SLC39A14: variants seen among roughly 807,000 people sequenced by gnomAD.
SLC39A14 encodes solute carrier family 39 member 14, also known as metal cation symporter ZIP14.
Under a neutral mutation model 45.5 loss-of-function variants are expected in SLC39A14, and 19 were observed. The observed-to-expected ratio is 0.42, with a 90% CI of 0.29 to 0.61. SLC39A14 has a LOEUF of 0.61. SLC39A14 is among the 20% of genes least tolerant of loss of function. The pLI, the probability that SLC39A14 is intolerant of heterozygous loss-of-function variation, is 0.22. For synonymous variants in SLC39A14, 264 were observed against 251.3 expected (o/e 1.05, Z -0.48); for missense variants, 447 against 616.5 (o/e 0.73, Z 2.91).
In SLC39A14 at chr8:22,419,647, C is replaced by G; in HGVS notation, c.1428C>G (p.Phe476Leu). The change falls in exon 9 of 9, where the codon TTC (phenylalanine) becomes TTG (leucine). Residue 476 changes from phenylalanine (F) to leucine (L), a missense_variant. Coordinates refer to ENST00000381237, the MANE Select transcript of SLC39A14 (RefSeq NM_001128431.4). ...AGAACCTGGGCCTCCTGACTGGATT[C>G]ACCATCATGGTGGTCCTCACCATGT... is the stretch of plus-strand genomic sequence containing the variant. ...IIQNLGLLTG[F>L]TIMVVLTMYS... The G allele has an allele frequency of 1.2e-6, 2 of 1,614,080 alleles. No individual in the cohort carries two copies. Among genetic ancestry groups the G allele is most frequent in the Non-Finnish European group, 1.7e-6 (2 of 1,179,936 alleles).
chr8:22,421,369 C>A lies in SLC39A14; in HGVS notation c.*1671C>A. 1.0e-6 allele frequency: 1 copy of A among 985,860 alleles called. No individual in the cohort carries two copies. The highest frequency in any genetic ancestry group is 1.2e-6 in the Non-Finnish European group (1 of 829,936). The allele number at this position is 985,860 out of a possible 1,614,324, so 61.1% of individuals were successfully genotyped here. The stretch of plus-strand genomic sequence containing the variant: ...AAAAGAACGTGAGCAGGAAAAACTG[C>A]TGGTGATACTTTTTTTAAGTTTTGT... On this transcript the variant is annotated 3_prime_UTR_variant, in exon 9 of 9. Coordinates refer to ENST00000381237, the MANE Select transcript of SLC39A14 (RefSeq NM_001128431.4).
At chr8:22,433,964 G>C in exon 9 of SLC39A14, 1 of 438,076 alleles carries the variant, frequency 2.3e-6, no homozygotes, top group Non-Finnish European at 4.6e-6. Flanking sequence ...CTGCCGCTTG[G>C]GTTGAAGCGA....
intron 1 of SLC39A14, among the ~76,000 whole-genome samples, chr8:22,368,042 C>G (rs1044087428): frequency 6.6e-6 from 1 of 152,176 alleles, no homozygotes; most frequent in Non-Finnish European, 1.5e-5. Context: ...TCCTGAGGTC[C>G]AGTTGAGCCG....
chr8:22,379,738 G>T (rs185014906), intron 1 of SLC39A14, among the ~76,000 whole-genome samples: 2 of 152,100 alleles, frequency 1.3e-5, no homozygotes, highest in East Asian at 3.9e-4. Context: ...AGACCATCCC[G>T]GCCAACATGG....
At chr8:22,409,672 G>C (rs1213980259) in intron 3 of SLC39A14, among the ~76,000 whole-genome samples, 1 of 152,122 alleles carries the variant, frequency 6.6e-6, no homozygotes, top group East Asian at 1.9e-4. Flanking sequence ...TTGCGCCACC[G>C]CACCTGGCCT....
intron 1 of SLC39A14, among the ~76,000 whole-genome samples, chr8:22,375,349 C>G (rs1833158326): frequency 6.6e-6 from 1 of 151,764 alleles, no homozygotes. Context: ...GATAATCCTG[C>G]TGCAGTCTCT....
intron 3 of SLC39A14, 133 bp from the exon 4 acceptor site, chr8:22,411,904 T>C: frequency 1.3e-6 from 1 of 758,220 alleles, no homozygotes; most frequent in Non-Finnish European, 2.1e-6. Context: ...GTTCCGTTAA[T>C]ATCCACCAAA....
intron 1 of SLC39A14, chr8:22,398,796 C>T (rs1209061093): frequency 2.0e-6 from 2 of 978,734 alleles, no homozygotes; most frequent in South Asian, 4.7e-5. Context: ...TGAAGGGTGA[C>T]GGTAGGTGGA....
rs560363615 is a variant in SLC39A14 at position 22,421,518 on chromosome 8, C to G, written c.*1820C>G. Reference sequence around the variant, plus strand: ...TGGTGGGATTATGGTCCAGTTTTACCAAAGAACCAATTCCTTGAATGTTGG... The same window carrying G: ...TGGTGGGATTATGGTCCAGTTTTACGAAAGAACCAATTCCTTGAATGTTGG... On this transcript the variant is annotated 3_prime_UTR_variant, in exon 9 of 9. Transcript: ENST00000381237. 1 of 985,482 alleles carries G rather than the reference C, an allele frequency of 1.0e-6. No homozygotes were observed. Among genetic ancestry groups the G allele is most frequent in the East Asian group, 1.1e-4 (1 of 8,812 alleles). The allele number at this position is 985,482 out of a possible 1,614,324, so 61.0% of individuals were successfully genotyped here.
At chr8:22,390,425 C>T (rs1442451788) in intron 1 of SLC39A14, 1 of 152,074 alleles carries the variant, frequency 6.6e-6, no homozygotes, top group South Asian at 2.1e-4. Context: ...CCTGCCTCAG[C>T]CTCCCGAATA....
chr8:22,374,965 C>G (rs1277629670), intron 1 of SLC39A14, among the ~76,000 whole-genome samples: 1 of 151,934 alleles, frequency 6.6e-6, no homozygotes, highest in African/African-American at 2.4e-5. Flanking sequence ...AGCCTGGTCT[C>G]GAACTCCTGA....
intron 1 of SLC39A14, among the ~76,000 whole-genome samples, chr8:22,381,073 A>G (rs1009650485): frequency 4.0e-5 from 6 of 151,618 alleles, no homozygotes; most frequent in Non-Finnish European, 1.5e-5. Flanking sequence ...TCCTGGGTTC[A>G]AGCGATTCTC....
chr8:22,384,545 C>T (rs150321678), intron 1 of SLC39A14, among the ~76,000 whole-genome samples: 2 of 148,804 alleles, frequency 1.3e-5, no homozygotes, highest in African/African-American at 4.9e-5. Flanking sequence ...GTCAGGAGTT[C>T]GAGACCAGCC....
At chr8:22,429,694 T>C (rs1244397345) in intron 8 of SLC39A14, among the ~76,000 whole-genome samples, 1 of 152,258 alleles carries the variant, frequency 6.6e-6, no homozygotes, top group African/African-American at 2.4e-5. Flanking sequence ...GAAAAACTTC[T>C]GCTGCAGACA....
chr8:22,376,665 G>A (rs1218282074), intron 1 of SLC39A14, among the ~76,000 whole-genome samples: 2 of 152,082 alleles, frequency 1.3e-5, no homozygotes, highest in South Asian at 2.1e-4. Flanking sequence ...AAAGGCCGAC[G>A]TCGGGAGTTC....
chr8:22,373,765 G>A (rs1401176244), intron 1 of SLC39A14, among the ~76,000 whole-genome samples: 2 of 139,116 alleles, frequency 1.4e-5, no homozygotes, highest in African/African-American at 5.3e-5. Flanking sequence ...TTGTTTTCTC[G>A]TTTTTTTTTT....
At chr8:22,378,985 G>A (rs539444806) in intron 1 of SLC39A14, among the ~76,000 whole-genome samples, 1 of 152,318 alleles carries the variant, frequency 6.6e-6, no homozygotes, top group Non-Finnish European at 1.5e-5. Flanking sequence ...GGCCAGCAGT[G>A]TGAAATGCAG....
intron 1 of SLC39A14, among the ~76,000 whole-genome samples, chr8:22,393,493 G>A (rs1269479168): frequency 1.3e-5 from 2 of 152,148 alleles, no homozygotes; most frequent in African/African-American, 4.8e-5. Context: ...CTGTAGGGCA[G>A]TATTCAGTTG....
intron 8 of SLC39A14, among the ~76,000 whole-genome samples, chr8:22,428,208 A>C (rs925735175): frequency 5.9e-5 from 9 of 152,056 alleles, no homozygotes; most frequent in Non-Finnish European, 1.3e-4. Context: ...GAGGCAGGAG[A>C]ATCACTTGAA....
Sources: allele counts gnomAD v4.1 joint callset (sites outside exome capture counted in the v4.1 genomes callset), GRCh38; gene constraint gnomAD v4.1.1; transcripts MANE v1.5; gene names NCBI Gene and HGNC (gene_info 2026-07-23, HGNC 2026-07-21).